Variants in TRIM55 observed in about 807,000 individuals in gnomAD.
The protein encoded by TRIM55 is tripartite motif-containing protein 55.
TRIM55 carries 50 observed loss-of-function variants against 60.9 expected under a neutral mutation model. The observed-to-expected ratio is 0.82, with a 90% confidence interval of 0.65 to 1.04. TRIM55 has a LOEUF of 1.04. TRIM55 is among the 50% of genes least tolerant of loss of function. TRIM55 has a pLI of 0.00. For synonymous variants in TRIM55, 237 were observed against 238.1 expected, an observed-to-expected ratio of 1.00 and a Z score of 0.04; for missense variants, 681 against 666.9, an observed-to-expected ratio of 1.02 and a Z score of -0.23.
chr8:66,125,008 G>A (rs1036764987), upstream of TRIM55, among the ~76,000 whole-genome samples: 1 of 152,178 alleles, frequency 6.6e-6, no homozygotes, highest in Non-Finnish European at 1.5e-5. Context: ...CCACCGCCCA[G>A]CCCCAACATG....
upstream of TRIM55, among the ~76,000 whole-genome samples, chr8:66,125,612 G>A (rs1406010794): frequency 6.6e-6 from 1 of 152,156 alleles, no homozygotes; most frequent in Non-Finnish European, 1.5e-5. Flanking sequence ...AACTGCCTAG[G>A]CTGGGTGAAC....
intron 9 of TRIM55, among the ~76,000 whole-genome samples, chr8:66,171,727 C>T (rs775948912): frequency 1.4e-4 from 21 of 152,176 alleles, no homozygotes; most frequent in Non-Finnish European, 7.3e-5. Flanking sequence ...AACTCCATCT[C>T]GGGAAGGCTG....
At chr8:66,165,722 G>T (rs901725331) in intron 9 of TRIM55, among the ~76,000 whole-genome samples, 1 of 152,136 alleles carries the variant, frequency 6.6e-6, no homozygotes, top group African/African-American at 2.4e-5. Context: ...GAGAAAAACT[G>T]ATCCGTCCTC....
chr8:66,175,151 T>C lies in TRIM55; in HGVS notation c.*558T>C, dbSNP rs993497667. The C allele has an allele frequency of 1.3e-5, 2 of 152,630 alleles. No homozygotes were observed. The highest frequency in any genetic ancestry group is 4.8e-5 in the African/African-American group (2 of 41,444). The allele number at this position is 152,630 out of a possible 1,614,324, so 9.5% of individuals were successfully genotyped here. A position where few individuals can be genotyped will look rare whatever the true frequency, so the allele number is the denominator to read the frequency against. On this transcript the variant is annotated 3_prime_UTR_variant, in exon 10 of 10. Transcript: ENST00000315962. ...GTCACTGGATGTACATTCAGAAATGTTCTTTGAATTTGGTGACACTTTCAT... is the reference window on the plus strand; with the variant it reads ...GTCACTGGATGTACATTCAGAAATGCTCTTTGAATTTGGTGACACTTTCAT...
intron 4 of TRIM55, among the ~76,000 whole-genome samples, chr8:66,146,650 A>G (rs1810110867): frequency 6.6e-6 from 1 of 152,246 alleles, no homozygotes; most frequent in South Asian, 2.1e-4. Context: ...TAGAGCTTCT[A>G]AATATCAGAG....
chr8:66,171,958 CT>C (rs1304977078), intron 9 of TRIM55, among the ~76,000 whole-genome samples: 1 of 130,034 alleles, frequency 7.7e-6, no homozygotes, highest in East Asian at 2.1e-4. Context: ...ATACTATTGT[CT>C]TTTCTTATTG....
intron 9 of TRIM55, among the ~76,000 whole-genome samples, chr8:66,161,692 C>T (rs1234896520): frequency 6.7e-6 from 1 of 148,860 alleles, no homozygotes; most frequent in African/African-American, 2.5e-5. Context: ...GATTTCTTTC[C>T]ACAGTGTTTT....
Position 66,154,190 on chromosome 8 carries a change from C to A in TRIM55, c.1380C>A (p.Thr460=), listed in dbSNP as rs539493157. The change falls in exon 9 of 10, where the codon ACC becomes ACA. Residue 460 remains threonine, a synonymous_variant. Transcript: ENST00000315962. ...TRKATTNPPC[T]PGSEGLGQIG... ...AAGCCACCACCAACCCACCTTGCAC[C>A]CCAGGGAGCGAAGGTCTGGGGCAAA... 5 of 1,614,012 alleles carry A rather than the reference C, an allele frequency of 3.1e-6. No homozygotes were observed. Among genetic ancestry groups the A allele is most frequent in the Non-Finnish European group, 4.2e-6 (5 of 1,179,994 alleles).
At chr8:66,120,201 A>G in the TRIM55 span, among the ~76,000 whole-genome samples, 1 of 152,198 alleles carries the variant, frequency 6.6e-6, no homozygotes, top group Non-Finnish European at 1.5e-5. Flanking sequence ...GTAGTGGTAT[A>G]ATAGTAAAAA....
At chr8:66,166,988 G>C (rs1039301514) in intron 9 of TRIM55, among the ~76,000 whole-genome samples, 1 of 152,190 alleles carries the variant, frequency 6.6e-6, no homozygotes, top group African/African-American at 2.4e-5. Context: ...ACTCCTGGCA[G>C]GGATGTAGCT....
chr8:66,149,592 C>T (rs943847652), intron 4 of TRIM55, 53 bp from the exon 5 acceptor site: 1 of 1,415,116 alleles, frequency 7.1e-7, no homozygotes, highest in Non-Finnish European at 9.9e-7. Flanking sequence ...GGTGATTTCT[C>T]CAAATCGACT....
In TRIM55 at chr8:66,135,040, G is replaced by T. The variant is rs769305159; in HGVS notation, c.392G>T (p.Arg131Leu). ...ATGTGCGAGGAACATGAAGAGGAGC[G>T]CATCAACATCTACTGTCTGAACTGC... Reference protein sequence around the residue: ...QPMCEEHEEERINIYCLNCEV... With the variant: ...QPMCEEHEEELINIYCLNCEV... Residue 131 changes from arginine (R) to leucine (L), a missense_variant, in exon 3 of 10, where the codon CGC becomes CTC. Arg to Leu is a moderately radical substitution (Grantham distance 102). Coordinates refer to ENST00000315962, the MANE Select transcript of TRIM55 (RefSeq NM_184085.2). The T allele has an allele frequency of 1.2e-6, 2 of 1,614,052 alleles. No homozygotes were observed. Among genetic ancestry groups the T allele is most frequent in the South Asian group, 1.1e-5 (1 of 91,086 alleles).
chr8:66,148,549 T>C (rs1194866599), intron 4 of TRIM55, among the ~76,000 whole-genome samples: 2 of 152,204 alleles, frequency 1.3e-5, no homozygotes, highest in African/African-American at 4.8e-5. Flanking sequence ...GAGTTTGCAG[T>C]GGTGACTTGG....
the TRIM55 span, chr8:66,114,722 G>C: frequency 1.4e-5 from 6 of 443,198 alleles, no homozygotes; most frequent in South Asian, 9.6e-5. Flanking sequence ...AGGGCGGACT[G>C]CCTGGCTCTG....
At chr8:66,163,211 A>T (rs531529517) in intron 9 of TRIM55, among the ~76,000 whole-genome samples, 24 of 152,090 alleles carry the variant, frequency 1.6e-4, no homozygotes, top group East Asian at 1.5e-3. Flanking sequence ...TTCCATCTTT[A>T]AAAAAAACCC....
chr8:66,135,266 C>T (rs1445952633), intron 3 of TRIM55, 111 bp downstream of exon 3: 3 of 1,163,690 alleles, frequency 2.6e-6, no homozygotes, highest in East Asian at 2.3e-5. Flanking sequence ...GCCCAAGCCA[C>T]GCAGGGCCAT....
Position 66,174,476 on chromosome 8 carries a change from A to G in TRIM55, c.1530A>G (p.Gly510=). The change falls in exon 10 of 10, where the codon GGA becomes GGG. Residue 510 remains glycine (G), a synonymous_variant. Coordinates refer to ENST00000315962, the MANE Select transcript of TRIM55 (RefSeq NM_184085.2). ...TSAPAATSQI[G]FEAPPLQGQA... ...CCCATTTTCTTCCATTGCAGATTGG[A>G]TTTGAGGCTCCTCCCCTCCAGGGAC... 1 of 1,611,276 alleles carries G rather than the reference A, an allele frequency of 6.2e-7. No individual in the cohort carries two copies. Among genetic ancestry groups the G allele is most frequent in the South Asian group, 1.1e-5 (1 of 90,640 alleles).
chr8:66,123,321 C>G (rs1808700706), upstream of TRIM55, among the ~76,000 whole-genome samples: 1 of 152,180 alleles, frequency 6.6e-6, no homozygotes, highest in African/African-American at 2.4e-5. Context: ...TAAAACTACA[C>G]TGTAGCCTGA....
chr8:66,164,236 C>G (rs1465248215), intron 9 of TRIM55, among the ~76,000 whole-genome samples: 1 of 152,176 alleles, frequency 6.6e-6, no homozygotes, highest in African/African-American at 2.4e-5. Flanking sequence ...GCCTGCGTCC[C>G]CTTCCTCCTT....
Sources: allele counts gnomAD v4.1 joint callset (sites outside exome capture counted in the v4.1 genomes callset), GRCh38; gene constraint gnomAD v4.1.1; transcripts MANE v1.5; gene names NCBI Gene and HGNC (gene_info 2026-07-23, HGNC 2026-07-21).